Variants in SCAF8 observed in about 807,000 individuals in gnomAD.
SCAF8 encodes the protein SR-related CTD associated factor 8, also known as SR-related and CTD-associated factor 8.
SCAF8 carries 23 observed loss-of-function variants against 140.5 expected under a neutral mutation model. That is an observed-to-expected ratio of 0.16 (90% CI 0.12 to 0.23). SCAF8 has a LOEUF of 0.23. Among genes scored for constraint, SCAF8 ranks in the 10% least tolerant of loss-of-function variants. SCAF8 has a pLI of 1.00. For missense variants in SCAF8, 1,397 were observed against 1,555.7 expected, an observed-to-expected ratio of 0.90 and a Z score of 1.72; for synonymous variants, 575 against 528.9, an observed-to-expected ratio of 1.09 and a Z score of -1.20.
At chr6:154,744,546 C>G (rs1414746448) in intron 1 of SCAF8, among the ~76,000 whole-genome samples, 2 of 152,102 alleles carry the variant, frequency 1.3e-5, no homozygotes, top group South Asian at 4.1e-4. Flanking sequence ...ATTTTACAGA[C>G]AAGGAAACTG....
At chr6:154,809,756 G>A (rs1217649692) in intron 11 of SCAF8, among the ~76,000 whole-genome samples, 2 of 152,050 alleles carry the variant, frequency 1.3e-5, no homozygotes, top group Non-Finnish European at 2.9e-5. Context: ...AGAAAGTGAG[G>A]CCCTTTCTAG....
In SCAF8 at chr6:154,764,931, G is replaced by A. The variant is rs577902959; in HGVS notation, c.31-9058G>A. Among the ~76,000 whole-genome samples the A allele has an allele frequency of 5.0e-4, 76 of 152,260 alleles. 1 individual carries two copies. The highest frequency in any genetic ancestry group is 1.7e-3 in the African/African-American group (72 of 41,564). On this transcript the variant is annotated intron_variant, in intron 1 of 19. Coordinates refer to ENST00000367178, the MANE Select transcript of SCAF8 (RefSeq NM_014892.5). ...TGATTAGAATGAGAATTGGAATGAA[G>A]CTTGGTAGTTCCTAATAGCAGTGGG...
intron 6 of SCAF8, among the ~76,000 whole-genome samples, chr6:154,798,114 C>G (rs570969417): frequency 1.3e-5 from 2 of 151,372 alleles, no homozygotes; most frequent in Admixed American, 6.6e-5. Flanking sequence ...ACAAGACGAG[C>G]AAGAAACATT....
intron 1 of SCAF8, among the ~76,000 whole-genome samples, chr6:154,756,077 C>T (rs2114815738): frequency 6.6e-6 from 1 of 152,212 alleles, no homozygotes; most frequent in South Asian, 2.1e-4. Context: ...ACTTATACAT[C>T]CCTCCCCCAG....
At chr6:154,734,736 A>G (rs374050889) in intron 1 of SCAF8, among the ~76,000 whole-genome samples, 1 of 152,256 alleles carries the variant, frequency 6.6e-6, no homozygotes, top group African/African-American at 2.4e-5. Context: ...ATTTCTTTTT[A>G]AACTCCGACT....
chr6:154,747,896 C>CTATGTGTGTGTGTG (rs3221130), intron 1 of SCAF8, among the ~76,000 whole-genome samples: 4 of 144,642 alleles, frequency 2.8e-5, no homozygotes, highest in African/African-American at 1.0e-4. Flanking sequence ...CATTTCATTT[C>CTATGTGTGTGTGTG]TGTGTGTGTG....
At position 154,790,635 on chromosome 6, in the gene SCAF8, C is replaced by G. The variant is rs1022583830; in HGVS notation, c.322-2188C>G. ...ACGCCATTCTCTTGCCTCAGCCTCCCAAGTAGCTGGGACTACAGGCGCCCA... is the reference window on the plus strand; with the variant it reads ...ACGCCATTCTCTTGCCTCAGCCTCCGAAGTAGCTGGGACTACAGGCGCCCA... On this transcript the variant is annotated intron_variant, in intron 4 of 19. Transcript: ENST00000367178. Among the ~76,000 whole-genome samples, 8 of 151,274 alleles carry G rather than the reference C, an allele frequency of 5.3e-5. No individual in the cohort carries two copies. The East Asian group carries it at 1.5e-3, about 29-fold the overall frequency.
chr6:154,827,651 A>G (rs1368101685), intron 18 of SCAF8, among the ~76,000 whole-genome samples: 1 of 152,124 alleles, frequency 6.6e-6, no homozygotes, highest in Non-Finnish European at 1.5e-5. Context: ...TGGTACTGAA[A>G]TTACTGTCTT....
chr6:154,742,037 A>G (rs765123902), intron 1 of SCAF8: 2 of 1,509,704 alleles, frequency 1.3e-6, no homozygotes, highest in South Asian at 2.4e-5. Context: ...ATGATAACCC[A>G]CATAAGGCAG....
At chr6:154,811,318 G>A (rs940809463) in intron 12 of SCAF8, among the ~76,000 whole-genome samples, 1 of 151,702 alleles carries the variant, frequency 6.6e-6, no homozygotes, top group African/African-American at 2.4e-5. Context: ...CATTATTAGA[G>A]TAAGGATTTT....
chr6:154,795,709 T>C (rs150671837), intron 6 of SCAF8, among the ~76,000 whole-genome samples: 12 of 152,218 alleles, frequency 7.9e-5, no homozygotes, highest in African/African-American at 2.4e-4. Flanking sequence ...ATGTGGTGTA[T>C]TGTAGGAATA....
In SCAF8 at chr6:154,832,443, C is replaced by T. The variant is rs767833804; in HGVS notation, c.2864C>T (p.Pro955Leu). 8 of 1,614,144 alleles carry T rather than the reference C, an allele frequency of 5.0e-6. No homozygotes were observed. In the South Asian group the frequency reaches 8.8e-5, roughly 18 times the overall value. The change falls in exon 20 of 20, where the codon CCA becomes CTA. Residue 955 changes from proline (P) to leucine (L), a missense_variant. Physicochemically the swap from Pro to Leu is moderately conservative, Grantham distance 98. Around this residue, in one of 5 missense-constraint regions of SCAF8, gnomAD observed 930 missense variants for 874.6 expected, o/e 1.06. Coordinates refer to ENST00000367178, the MANE Select transcript of SCAF8 (RefSeq NM_014892.5). Reference sequence around the variant, plus strand: ...CCACCCCAACGGGGAATCCCACCCCCATCGGTACTTGATTCAGCTCTTCAT... The same window carrying T: ...CCACCCCAACGGGGAATCCCACCCCTATCGGTACTTGATTCAGCTCTTCAT... ...GIPPQRGIPP[P>L]SVLDSALHPP...
intron 1 of SCAF8, among the ~76,000 whole-genome samples, chr6:154,760,935 C>A (rs1198415731): frequency 6.6e-6 from 1 of 151,988 alleles, no homozygotes; most frequent in Non-Finnish European, 1.5e-5. Flanking sequence ...AGGCATGCAC[C>A]CCCATGTCCC....
chr6:154,781,784 T>G (rs1368194126), intron 3 of SCAF8, among the ~76,000 whole-genome samples: 1 of 152,222 alleles, frequency 6.6e-6, no homozygotes, highest in African/African-American at 2.4e-5. Flanking sequence ...TGTGTGAATG[T>G]AAGTTTACAT....
intron 1 of SCAF8, among the ~76,000 whole-genome samples, chr6:154,757,619 A>T (rs973660667): frequency 5.3e-5 from 8 of 152,222 alleles, no homozygotes; most frequent in African/African-American, 1.9e-4. Context: ...ACATGAAAAA[A>T]ATACCTTTAT....
intron 4 of SCAF8, among the ~76,000 whole-genome samples, chr6:154,789,568 C>T (rs1296722621): frequency 2.4e-5 from 3 of 127,440 alleles, no homozygotes; most frequent in African/African-American, 9.0e-5. Context: ...TTTTTTGAGA[C>T]GGAGTCTTGC....
intron 3 of SCAF8, among the ~76,000 whole-genome samples, chr6:154,785,764 T>G (rs1777233435): frequency 6.6e-6 from 1 of 152,198 alleles, no homozygotes; most frequent in Non-Finnish European, 1.5e-5. Flanking sequence ...TAACTGATGA[T>G]AACCTGCAGA....
chr6:154,747,898 G>C (rs74710299), intron 1 of SCAF8, among the ~76,000 whole-genome samples: 42 of 54,484 alleles, frequency 7.7e-4, no homozygotes, highest in Middle Eastern at 7.2e-3. Flanking sequence ...TTTCATTTCT[G>C]TGTGTGTGTG....
chr6:154,826,089 T>C (rs961965867), intron 17 of SCAF8, among the ~76,000 whole-genome samples: 1 of 152,200 alleles, frequency 6.6e-6, no homozygotes, highest in African/African-American at 2.4e-5. Context: ...AAAATAAATT[T>C]GAGAATGGTT....
Sources: allele counts gnomAD v4.1 joint callset (sites outside exome capture counted in the v4.1 genomes callset), GRCh38; gene constraint gnomAD v4.1.1; regional missense constraint gnomAD v4.1.1; transcripts MANE v1.5; gene names NCBI Gene and HGNC (gene_info 2026-07-23, HGNC 2026-07-21).